RAPGEF4: variants seen among roughly 807,000 people sequenced by gnomAD.
RAPGEF4 encodes Rap guanine nucleotide exchange factor 4.
In RAPGEF4, 66 loss-of-function variants were observed where a neutral mutation model predicts 147.9. The ratio of observed to expected loss-of-function variants is 0.45; its 90% CI spans 0.37 to 0.55. RAPGEF4 has a LOEUF of 0.55. Ranked by LOEUF, RAPGEF4 falls within the 20% of genes least tolerant of loss-of-function variation. The pLI is 0.00. For missense variants in RAPGEF4, 1,071 were observed against 1,257.3 expected (o/e 0.85, Z 2.24); for synonymous variants, 419 against 442.7 (o/e 0.95, Z 0.67).
intron 29 of RAPGEF4, among the ~76,000 whole-genome samples, chr2:173,043,898 A>T (rs1184624412): frequency 1.3e-5 from 2 of 152,192 alleles, no homozygotes; most frequent in African/African-American, 4.8e-5. Flanking sequence ...CTTCCTCTGG[A>T]TGCTGTCTTT....
intron 2 of RAPGEF4, among the ~76,000 whole-genome samples, chr2:172,795,619 A>T (rs1036124189): frequency 7.9e-5 from 12 of 152,202 alleles, no homozygotes; most frequent in African/African-American, 2.7e-4. Context: ...TGGATTTTTT[A>T]AAAAGTATTT....
At chr2:172,908,413 A>T (rs1188540358) in intron 4 of RAPGEF4, among the ~76,000 whole-genome samples, 1 of 152,212 alleles carries the variant, frequency 6.6e-6, no homozygotes, top group Non-Finnish European at 1.5e-5. Flanking sequence ...TCTCAGTTAA[A>T]TTCTTACTAC....
chr2:172,953,239 T>A (rs1259081721), intron 6 of RAPGEF4, among the ~76,000 whole-genome samples: 1 of 148,042 alleles, frequency 6.8e-6, no homozygotes, highest in Non-Finnish European at 1.5e-5. Context: ...ATCTTTTATA[T>A]CTATTATATA....
At chr2:172,797,131 G>T (rs543898693) in intron 2 of RAPGEF4, among the ~76,000 whole-genome samples, 1 of 152,258 alleles carries the variant, frequency 6.6e-6, no homozygotes, top group Non-Finnish European at 1.5e-5. Flanking sequence ...GCAGATTTTG[G>T]TTTTTTAAAT....
chr2:172,878,422 A>T (rs1267489484), intron 4 of RAPGEF4, among the ~76,000 whole-genome samples: 1 of 152,186 alleles, frequency 6.6e-6, no homozygotes, highest in Non-Finnish European at 1.5e-5. Context: ...GAGTCTGTTC[A>T]TTTCTAGGAA....
intron 1 of RAPGEF4, among the ~76,000 whole-genome samples, chr2:172,784,923 T>C (rs553350579): frequency 1.3e-5 from 2 of 152,140 alleles, no homozygotes; most frequent in South Asian, 4.2e-4. Context: ...CCTCCCGGGT[T>C]CAAGTGTTTC....
chr2:172,817,996 T>C (rs2149615706), intron 4 of RAPGEF4, among the ~76,000 whole-genome samples: 1 of 149,826 alleles, frequency 6.7e-6, no homozygotes, highest in East Asian at 1.9e-4. Context: ...CATGGAATAC[T>C]ACTCAGCCAT....
At chr2:173,036,356 C>T in intron 28 of RAPGEF4, 144 bp downstream of exon 28, 2 of 736,318 alleles carry the variant, frequency 2.7e-6, no homozygotes, top group South Asian at 3.5e-5. Flanking sequence ...TCAGTCCTGA[C>T]TGTTCAGAAA....
intron 17 of RAPGEF4, among the ~76,000 whole-genome samples, chr2:173,009,083 T>C (rs1291466037): frequency 6.6e-6 from 1 of 152,208 alleles, no homozygotes; most frequent in African/African-American, 2.4e-5. Context: ...ACTCTGAAAG[T>C]TTGTCATCCT....
chr2:172,920,926 CT>C (rs780470591), intron 5 of RAPGEF4, among the ~76,000 whole-genome samples: 1 of 152,064 alleles, frequency 6.6e-6, no homozygotes, highest in Non-Finnish European at 1.5e-5. Context: ...TTAATACTCT[CT>C]GTTTCAGAGA....
At chr2:172,888,884 A>G (rs1476413123) in intron 4 of RAPGEF4, among the ~76,000 whole-genome samples, 1 of 152,298 alleles carries the variant, frequency 6.6e-6, no homozygotes, top group East Asian at 1.9e-4. Context: ...ATGCTCTCCA[A>G]TTGCCTAATG....
At chr2:172,857,171 C>CGT (rs1693512348) in intron 4 of RAPGEF4, among the ~76,000 whole-genome samples, 4 of 116,730 alleles carry the variant, frequency 3.4e-5, no homozygotes, top group South Asian at 2.5e-4. Context: ...CGCGTGTGCG[C>CGT]GCGCACACAC....
chr2:173,036,521 C>T lies in RAPGEF4; in HGVS notation c.2789-107C>T, dbSNP rs375755260. ...AGGAACTATTAACAGCTTTTTTCAA[C>T]TGTAGTGTTATGCAAATCTGCCAGC... is the stretch of plus-strand genomic sequence containing the variant. On this transcript the variant is annotated intron_variant, in intron 28 of 30. Coordinates refer to ENST00000397081, the MANE Select transcript of RAPGEF4 (RefSeq NM_007023.4). The T allele has an allele frequency of 9.1e-6, 8 of 880,416 alleles. No individual in the cohort carries two copies. In the South Asian group the frequency reaches 1.4e-4, roughly 15 times the overall value. The allele number at this position is 880,416 out of a possible 1,614,324, so 54.5% of individuals were successfully genotyped here.
At chr2:172,790,277 G>A (rs913583001) in intron 1 of RAPGEF4, among the ~76,000 whole-genome samples, 1 of 152,034 alleles carries the variant, frequency 6.6e-6, no homozygotes, top group Non-Finnish European at 1.5e-5. Context: ...CAAGTCCTTA[G>A]GCTATTTCTT....
At chr2:172,973,416 T>G (rs1690722575) in intron 10 of RAPGEF4, among the ~76,000 whole-genome samples, 1 of 152,208 alleles carries the variant, frequency 6.6e-6, no homozygotes, top group African/African-American at 2.4e-5. Context: ...CCGAGCACCT[T>G]TCTTCTTAAG....
At chr2:172,821,811 A>G (rs375015521) in intron 4 of RAPGEF4, 4 of 1,367,666 alleles carry the variant, frequency 2.9e-6, no homozygotes, top group Non-Finnish European at 3.8e-6. Context: ...CTGGAGAACC[A>G]TCAGCACCAG....
chr2:172,856,660 C>T (rs1306172878), intron 4 of RAPGEF4, among the ~76,000 whole-genome samples: 2 of 152,208 alleles, frequency 1.3e-5, no homozygotes, highest in African/African-American at 2.4e-5. Context: ...GTTCTTTCTC[C>T]TTAACTGAGT....
At chr2:172,765,621 T>G (rs1416502564) in intron 1 of RAPGEF4, among the ~76,000 whole-genome samples, 1 of 152,204 alleles carries the variant, frequency 6.6e-6, no homozygotes, top group African/African-American at 2.4e-5. Flanking sequence ...TACTGTGGGA[T>G]GCTGAAGTTT....
At chr2:173,011,472 A>G (rs1043534932) in intron 17 of RAPGEF4, among the ~76,000 whole-genome samples, 2 of 152,176 alleles carry the variant, frequency 1.3e-5, no homozygotes, top group Non-Finnish European at 2.9e-5. Flanking sequence ...ATTTGATAGC[A>G]TAAGAATATT....
Sources: gnomAD v4.1 joint callset for allele counts (sites outside exome capture counted in the v4.1 genomes callset) on GRCh38, gnomAD v4.1.1 for gene constraint, MANE v1.5 for transcripts, NCBI Gene and HGNC (gene_info 2026-07-23, HGNC 2026-07-21) for gene names.